Variants in CD300E observed in about 807,000 individuals in gnomAD.
The protein encoded by CD300E is CMRF35-like molecule 2.
A neutral mutation model predicts 20.9 loss-of-function variants in CD300E; 14 were observed. The observed-to-expected ratio is 0.67, with a 90% CI of 0.44 to 1.05. The LOEUF (loss-of-function observed/expected upper bound fraction) is 1.05, where lower values mean the gene tolerates loss of function less well. CD300E is among the 50% of genes least tolerant of loss of function. CD300E has a pLI of 0.00. For missense variants in CD300E, 237 were observed against 253.9 expected, an observed-to-expected ratio of 0.93 and a Z score of 0.45; for synonymous variants, 102 against 103.7, an observed-to-expected ratio of 0.98 and a Z score of 0.10.
intron 1 of CD300E, among the ~76,000 whole-genome samples, chr17:74,621,237 G>T (rs1025241829): frequency 6.6e-6 from 1 of 152,218 alleles, no homozygotes; most frequent in Admixed American, 6.5e-5. Context: ...TTGTTTGAAA[G>T]AAGAACCAGG....
intron 2 of CD300E, among the ~76,000 whole-genome samples, chr17:74,615,217 C>G (rs1244212032): frequency 6.6e-6 from 1 of 152,202 alleles, no homozygotes; most frequent in Admixed American, 6.5e-5. Context: ...AATGCCGGAC[C>G]ATGGGATGCT....
intron 2 of CD300E, among the ~76,000 whole-genome samples, chr17:74,615,671 C>T (rs1396865380): frequency 2.6e-5 from 4 of 152,170 alleles, no homozygotes; most frequent in Admixed American, 2.0e-4. Flanking sequence ...ATTTGGGAAA[C>T]CCCTTAGTCC....
intron 1 of CD300E, among the ~76,000 whole-genome samples, chr17:74,620,384 T>C (rs1819746318): frequency 6.6e-6 from 1 of 151,918 alleles, no homozygotes; most frequent in Admixed American, 6.6e-5. Context: ...AAGGTGAGAA[T>C]CACTTGGACC....
rs761861629 is a variant in CD300E at position 74,613,991 on chromosome 17, G to A, written c.431C>T (p.Pro144Leu). The change falls in exon 3 of 4, where the codon CCC becomes CTC. Residue 144 changes from proline (P) to leucine (L), a missense_variant. Transcript: ENST00000392619. ...CCCAGGGTTCACCACCAGGAAGATG[G>A]GAGGTGTGGCTGGATGTGTGGTCCT... Reference protein sequence around the residue: ...PRRTTHPATPPIFLVVNPGRN... With the variant: ...PRRTTHPATPLIFLVVNPGRN... The A allele has an allele frequency of 6.2e-7, 1 of 1,614,088 alleles. No homozygotes were observed. The highest frequency in any genetic ancestry group is 8.5e-7 in the Non-Finnish European group (1 of 1,179,976).
intron 2 of CD300E, among the ~76,000 whole-genome samples, chr17:74,614,345 C>T (rs1033323787): frequency 2.6e-5 from 4 of 152,080 alleles, no homozygotes; most frequent in Non-Finnish European, 5.9e-5. Flanking sequence ...TCTGGGCTTC[C>T]GCAGCCAGAT....
At chr17:74,620,024 G>C (rs1013845265) in intron 1 of CD300E, among the ~76,000 whole-genome samples, 2 of 152,244 alleles carry the variant, frequency 1.3e-5, no homozygotes, top group Non-Finnish European at 2.9e-5. Flanking sequence ...CTTCTGAAAA[G>C]ACAGAAGATG....
In CD300E at chr17:74,617,448, C is replaced by A; in HGVS notation, c.58G>T (p.Gly20Cys). Residue 20 changes from glycine to cysteine, a missense_variant, in exon 2 of 4, where the codon GGC becomes TGC. Coordinates refer to ENST00000392619, the MANE Select transcript of CD300E (RefSeq NM_181449.3). Reference protein sequence around the residue: ...LCLSGCLSLKGPGSVTGTAGD... With the variant: ...LCLSGCLSLKCPGSVTGTAGD... ...GCAGTGCCAGTCACAGAGCCGGGGCCCTTCAGAGACAAACAGCCTGGAAAA... is the reference window on the plus strand; with the variant it reads ...GCAGTGCCAGTCACAGAGCCGGGGCACTTCAGAGACAAACAGCCTGGAAAA... 1 of 1,613,100 alleles carries A rather than the reference C, an allele frequency of 6.2e-7. No individual in the cohort carries two copies. The highest frequency in any genetic ancestry group is 8.5e-7 in the Non-Finnish European group (1 of 1,179,756).
Position 74,612,625 on chromosome 17 carries a change from C to T in CD300E, c.*28G>A, listed in dbSNP as rs1330019069. The T allele has an allele frequency of 1.9e-6, 3 of 1,610,884 alleles. No individual in the cohort carries two copies. Among genetic ancestry groups the T allele is most frequent in the Admixed American group, 1.7e-5 (1 of 59,926 alleles). On this transcript the variant is annotated 3_prime_UTR_variant, in exon 4 of 4. Transcript: ENST00000392619. The stretch of plus-strand genomic sequence containing the variant: ...GCACGGGGCACTCCTGGGGATGGGG[C>T]TCTGCAGGGCTTCGGGTCAGCCTGG...
rs752966112 is a variant in CD300E, at chr17:74,612,672, C to G, written c.599G>C (p.Trp200Ser). The G allele has an allele frequency of 1.2e-6, 2 of 1,613,746 alleles. No individual in the cohort carries two copies. Among genetic ancestry groups the G allele is most frequent in the Non-Finnish European group, 1.7e-6 (2 of 1,179,948 alleles). The change falls in exon 4 of 4, where the codon TGG (tryptophan) becomes TCG (serine). Residue 200 changes from tryptophan (W) to serine (S), a missense_variant. Coordinates refer to ENST00000392619, the MANE Select transcript of CD300E (RefSeq NM_181449.3). ...GAVFWVNRPQ[W>S]APPGR ...CTGGCTCTATCTTCCAGGAGGAGCCCACTGAGGCCTGTTCACCCAGAAGAC... is the reference window on the plus strand; with the variant it reads ...CTGGCTCTATCTTCCAGGAGGAGCCGACTGAGGCCTGTTCACCCAGAAGAC...
At chr17:74,622,651 T>C (rs1463548628) in intron 1 of CD300E, among the ~76,000 whole-genome samples, 1 of 152,250 alleles carries the variant, frequency 6.6e-6, no homozygotes, top group African/African-American at 2.4e-5. Context: ...GTTTCTCTTC[T>C]GAAGTCCAAC....
At chr17:74,622,223 G>A (rs183330550) in intron 1 of CD300E, among the ~76,000 whole-genome samples, 1 of 151,984 alleles carries the variant, frequency 6.6e-6, no homozygotes, top group East Asian at 1.9e-4. Context: ...ACCTGCGCAG[G>A]TCACATTGCG....
chr17:74,615,911 T>G (rs976404081), intron 2 of CD300E, among the ~76,000 whole-genome samples: 3 of 151,980 alleles, frequency 2.0e-5, no homozygotes, highest in Admixed American at 6.6e-5. Flanking sequence ...CGCGGGAAGA[T>G]GCTGTCTCTA....
chr17:74,622,270 G>A (rs1423191016), intron 1 of CD300E, among the ~76,000 whole-genome samples: 1 of 151,956 alleles, frequency 6.6e-6, no homozygotes, highest in Non-Finnish European at 1.5e-5. Flanking sequence ...GGTGGAAAGA[G>A]AGATGGAAAG....
chr17:74,622,196 T>C (rs1163401465), intron 1 of CD300E, among the ~76,000 whole-genome samples: 1 of 151,488 alleles, frequency 6.6e-6, no homozygotes, highest in Non-Finnish European at 1.5e-5. Flanking sequence ...TCTTTCCCAG[T>C]TAAGATTTTC....
At chr17:74,620,936 G>A (rs548029401) in intron 1 of CD300E, among the ~76,000 whole-genome samples, 8 of 151,676 alleles carry the variant, frequency 5.3e-5, no homozygotes, top group South Asian at 4.2e-4. Flanking sequence ...CCAGCTACTC[G>A]GGAGGCCGAG....
intron 2 of CD300E, among the ~76,000 whole-genome samples, chr17:74,614,984 C>T (rs11077757): frequency 0.31 from 46,442 of 152,206 alleles, 8,193 homozygotes; most frequent in Non-Finnish European, 0.4. Context: ...CAGTGTGATC[C>T]GATAAGCCGC....
chr17:74,612,524 C>A lies in CD300E; in HGVS notation c.*129G>T. 7.5e-7 allele frequency: 1 copy of A among 1,331,580 alleles called. No individual in the cohort carries two copies. 82.5% of individuals were successfully genotyped at this position (1,331,580 alleles called of 1,614,324 possible). A position where few individuals can be genotyped will look rare whatever the true frequency, so the allele number is the denominator to read the frequency against. ...AGTGTCCTCTAAGAGCCAGGACCCT[C>A]CTTTGAGGCACAGGAACAATAAATC... On this transcript the variant is annotated 3_prime_UTR_variant, in exon 4 of 4. Transcript: ENST00000392619.
At chr17:74,615,817 G>T (rs910512397) in intron 2 of CD300E, among the ~76,000 whole-genome samples, 1 of 152,212 alleles carries the variant, frequency 6.6e-6, no homozygotes, top group African/African-American at 2.4e-5. Context: ...TGGGCATGGT[G>T]TCTCACTCCT....
intron 3 of CD300E, among the ~76,000 whole-genome samples, chr17:74,613,099 C>G (rs1224682346): frequency 6.6e-6 from 1 of 152,150 alleles, no homozygotes; most frequent in Non-Finnish European, 1.5e-5. Flanking sequence ...AAACCAGTCC[C>G]CACTCTCGCT....
Sources: allele counts gnomAD v4.1 joint callset (sites outside exome capture counted in the v4.1 genomes callset), GRCh38; gene constraint gnomAD v4.1.1; transcripts MANE v1.5; gene names NCBI Gene and HGNC (gene_info 2026-07-23, HGNC 2026-07-21).